Variants in GOT1 observed in about 807,000 individuals in gnomAD.
The protein encoded by GOT1 is glutamic-oxaloacetic transaminase 1, also known as aspartate aminotransferase, cytoplasmic.
In GOT1, 25 loss-of-function variants were observed where a neutral mutation model predicts 48.2. The ratio of observed to expected loss-of-function variants is 0.52; its 90% CI spans 0.38 to 0.72. The LOEUF (loss-of-function observed/expected upper bound fraction) is 0.72. GOT1 is among the 30% of genes least tolerant of loss of function. The pLI is 0.00. For missense variants in GOT1, 380 were observed against 520.1 expected (o/e 0.73, Z 2.62); for synonymous variants, 188 against 193.8 (o/e 0.97, Z 0.25).
intron 1 of GOT1, among the ~76,000 whole-genome samples, chr10:99,424,336 T>C (rs2033010127): frequency 6.6e-6 from 1 of 152,170 alleles, no homozygotes; most frequent in Non-Finnish European, 1.5e-5. Context: ...ACAATTATTT[T>C]AAAAAATGAT....
At chr10:99,405,520 G>GACACACACACACACAC (rs138777645) in intron 5 of GOT1, among the ~76,000 whole-genome samples, 1 of 143,500 alleles carries the variant, frequency 7.0e-6, no homozygotes, top group African/African-American at 2.6e-5. Context: ...CATAAAACTA[G>GACACACACACACACAC]ACACACACAC....
rs781490792 is a variant in GOT1 at position 99,406,125 on chromosome 10, T to C, written c.537+12A>G. On this transcript the variant is annotated intron_variant, in intron 4 of 8. Transcript: ENST00000370508. ...CCATGCAATTCTCTACTTTTTCCTC[T>C]AAATCACCCACCTCCAGATCATTCA... is the stretch of plus-strand genomic sequence containing the variant. 2 of 1,547,242 alleles carry C rather than the reference T, an allele frequency of 1.3e-6. No homozygotes were observed. The highest frequency in any genetic ancestry group is 1.8e-6 in the Non-Finnish European group (2 of 1,119,162).
Position 99,420,499 on chromosome 10 carries a change from T to C in GOT1, c.300+125A>G, listed in dbSNP as rs568042626. 3 of 726,302 alleles carry C rather than the reference T, an allele frequency of 4.1e-6. No individual in the cohort carries two copies. The Admixed American group carries it at 9.1e-5, about 22-fold the overall frequency. The allele number at this position is 726,302 out of a possible 1,614,324, so 45.0% of individuals were successfully genotyped here. A position where few individuals can be genotyped will look rare whatever the true frequency, so the allele number is the denominator to read the frequency against. ...CGCTATCAGGTTCCTGAACTCGCGCTACAGAAACACTTATTCATTGGCAGT... is the reference window on the plus strand; with the variant it reads ...CGCTATCAGGTTCCTGAACTCGCGCCACAGAAACACTTATTCATTGGCAGT... On this transcript the variant is annotated intron_variant, in intron 2 of 8. Coordinates refer to ENST00000370508, the MANE Select transcript of GOT1 (RefSeq NM_002079.3).
rs554193468 is a variant in GOT1, at chr10:99,397,266, G to C, written c.*281C>G. ...CACACACAACACTCCTTTTTAGTGA[G>C]AGGGACAAGATACCTATGTCTCATG... On this transcript the variant is annotated 3_prime_UTR_variant, in exon 9 of 9. Coordinates refer to ENST00000370508, the MANE Select transcript of GOT1 (RefSeq NM_002079.3). This position sits in a 1 kb window ranked among gnomAD's most constrained non-coding sequence, Gnocchi z 5.4. The C allele has an allele frequency of 5.6e-6, 2 of 355,818 alleles. No homozygotes were observed. The highest frequency in any genetic ancestry group is 4.1e-5 in the African/African-American group (2 of 49,352). The allele number at this position is 355,818 out of a possible 1,614,324, so 22.0% of individuals were successfully genotyped here.
At chr10:99,410,554 C>G (rs1015594406) in intron 2 of GOT1, among the ~76,000 whole-genome samples, 1 of 152,134 alleles carries the variant, frequency 6.6e-6, no homozygotes, top group Non-Finnish European at 1.5e-5. Flanking sequence ...TTAACTAATC[C>G]TTGACATTCA....
chr10:99,406,183 G>A lies in GOT1; in HGVS notation c.491C>T (p.Ala164Val), dbSNP rs769906176. 1.9e-6 allele frequency: 3 copies of A among 1,613,682 alleles called. No homozygotes were observed. The stretch of plus-strand genomic sequence containing the variant: ...CTGGAGGTCCAATCCTCTCTTCTCT[G>A]CATCCCAGTAGCGATAGGACCGAAT... ...KDIRSYRYWD[A>V]EKRGLDLQGF... Residue 164 changes from alanine (A) to valine (V), a missense_variant, in exon 4 of 9, where the codon GCA becomes GTA. Ala to Val is a moderately conservative substitution (Grantham distance 64). Coordinates refer to ENST00000370508, the MANE Select transcript of GOT1 (RefSeq NM_002079.3).
intron 5 of GOT1, among the ~76,000 whole-genome samples, chr10:99,405,424 A>G (rs1034384778): frequency 6.6e-6 from 1 of 152,122 alleles, no homozygotes; most frequent in East Asian, 1.9e-4. Context: ...ATTCAATGAC[A>G]TGTATATAAA....
chr10:99,410,787 G>A (rs1378533841), intron 2 of GOT1, among the ~76,000 whole-genome samples: 1 of 152,166 alleles, frequency 6.6e-6, no homozygotes, highest in Admixed American at 6.5e-5. Context: ...TTGTTATAAA[G>A]GAAAATCATA....
intron 2 of GOT1, among the ~76,000 whole-genome samples, chr10:99,409,497 T>G (rs569198280): frequency 5.3e-5 from 8 of 152,252 alleles, no homozygotes; most frequent in African/African-American, 1.9e-4. Flanking sequence ...GAACCTAACA[T>G]AACATTGCTG....
chr10:99,410,022 A>G (rs908596597), intron 2 of GOT1, among the ~76,000 whole-genome samples: 1 of 152,232 alleles, frequency 6.6e-6, no homozygotes, highest in Non-Finnish European at 1.5e-5. Flanking sequence ...GCTGTACATT[A>G]CAGAGAGGGG....
intron 2 of GOT1, among the ~76,000 whole-genome samples, chr10:99,407,760 C>G (rs2032780049): frequency 6.7e-6 from 1 of 150,344 alleles, no homozygotes; most frequent in South Asian, 2.1e-4. Context: ...AGTGACCTAA[C>G]ATAGGCAATA....
At position 99,397,583 on chromosome 10, in the gene GOT1, G is replaced by A. The variant is rs780967129; in HGVS notation, c.1206C>T (p.Ala402=). 2 of 1,614,074 alleles carry A rather than the reference G, an allele frequency of 1.2e-6. No individual in the cohort carries two copies. The highest frequency in any genetic ancestry group is 8.5e-7 in the Non-Finnish European group (1 of 1,179,974). Reference sequence around the variant, plus strand: ...TGGTGACTGCTTCATGGATGGAGGTGGCCACGTAATCTAGATTTTTGGTGG... The same window carrying A: ...TGGTGACTGCTTCATGGATGGAGGTAGCCACGTAATCTAGATTTTTGGTGG... ...GLTTKNLDYV[A]TSIHEAVTKI... is the part of the protein sequence containing the mutation. The change falls in exon 9 of 9, where the codon GCC becomes GCT. Residue 402 remains alanine (A), a synonymous_variant. Coordinates refer to ENST00000370508, the MANE Select transcript of GOT1 (RefSeq NM_002079.3). The surrounding 1 kb of genome is among the most constrained non-coding windows in gnomAD (Gnocchi z 5.4).
At chr10:99,410,792 A>G (rs1479872378) in intron 2 of GOT1, among the ~76,000 whole-genome samples, 1 of 152,222 alleles carries the variant, frequency 6.6e-6, no homozygotes, top group African/African-American at 2.4e-5. Flanking sequence ...ATAAAGGAAA[A>G]TCATAACATC....
chr10:99,398,662 C>A (rs1327580837), intron 8 of GOT1, among the ~76,000 whole-genome samples: 1 of 149,190 alleles, frequency 6.7e-6, no homozygotes, highest in Non-Finnish European at 1.5e-5. Context: ...CAGAGTGAGA[C>A]TCTGTCTCAA....
intron 1 of GOT1, among the ~76,000 whole-genome samples, chr10:99,422,442 C>T (rs1240333458): frequency 1.3e-5 from 2 of 152,140 alleles, no homozygotes; most frequent in African/African-American, 4.8e-5. Context: ...TTTTGGTGTA[C>T]AACCTTCTAA....
intron 2 of GOT1, among the ~76,000 whole-genome samples, chr10:99,416,506 G>A (rs1365464740): frequency 1.3e-5 from 2 of 152,180 alleles, no homozygotes; most frequent in African/African-American, 2.4e-5. Context: ...TCATGAAAAT[G>A]GCCATACTGT....
intron 2 of GOT1, among the ~76,000 whole-genome samples, chr10:99,410,430 G>T (rs980132343): frequency 1.3e-5 from 2 of 152,124 alleles, no homozygotes; most frequent in Non-Finnish European, 2.9e-5. Flanking sequence ...TTCATTTCCT[G>T]TTCTCAACTT....
At chr10:99,426,438 G>GTA (rs1314558652) in intron 1 of GOT1, among the ~76,000 whole-genome samples, 1 of 152,160 alleles carries the variant, frequency 6.6e-6, no homozygotes, top group Non-Finnish European at 1.5e-5. Flanking sequence ...AAGGCTAGGG[G>GTA]TACTCAGAAA....
chr10:99,416,166 A>T (rs527904964), intron 2 of GOT1, among the ~76,000 whole-genome samples: 142 of 152,348 alleles, frequency 9.3e-4, no homozygotes, highest in Non-Finnish European at 1.7e-3. Flanking sequence ...CTGTTTGCAG[A>T]TGACATGATT....
Sources: allele counts gnomAD v4.1 joint callset (sites outside exome capture counted in the v4.1 genomes callset), GRCh38; gene constraint gnomAD v4.1.1; non-coding constraint Gnocchi (gnomAD v3.1); transcripts MANE v1.5; gene names NCBI Gene and HGNC (gene_info 2026-07-23, HGNC 2026-07-21).